Variants in BTBD7 observed in about 807,000 individuals in gnomAD.
BTBD7 encodes the protein BTB/POZ domain-containing protein 7.
In BTBD7, 38 loss-of-function variants were observed where a neutral mutation model predicts 99.9. The observed-to-expected ratio is 0.38, with a 90% CI of 0.29 to 0.50. The LOEUF is 0.50. BTBD7 is among the 20% of genes least tolerant of loss of function. BTBD7 has a pLI of 0.93. For synonymous variants in BTBD7, 520 were observed against 511.4 expected (o/e 1.02, Z -0.23); for missense variants, 1,170 against 1,394.6 (o/e 0.84, Z 2.57).
At chr14:93,296,241 G>A (rs1429749896) in intron 1 of BTBD7, 84 bp from the exon 2 acceptor site, 10 of 999,380 alleles carry the variant, frequency 1.0e-5, no homozygotes, top group Non-Finnish European at 1.3e-5. Flanking sequence ...ACTGAAAACT[G>A]CTTTCATTCA....
chr14:93,286,764 C>T (rs897759907), intron 3 of BTBD7, among the ~76,000 whole-genome samples: 3 of 152,162 alleles, frequency 2.0e-5, no homozygotes, highest in Non-Finnish European at 4.4e-5. Context: ...CCACATTCAT[C>T]GGCTGACAGG....
intron 1 of BTBD7, among the ~76,000 whole-genome samples, chr14:93,325,481 G>A (rs1022850016): frequency 2.0e-5 from 3 of 152,162 alleles, no homozygotes; most frequent in African/African-American, 7.2e-5. Flanking sequence ...CAGAGATGGA[G>A]AGGTACAGTG....
chr14:93,264,713 T>C (rs900153992), intron 3 of BTBD7, among the ~76,000 whole-genome samples: 11 of 152,134 alleles, frequency 7.2e-5, no homozygotes, highest in African/African-American at 2.7e-4. Flanking sequence ...TGAGAATGGC[T>C]AAAGTTGAAC....
intron 5 of BTBD7, among the ~76,000 whole-genome samples, chr14:93,260,715 A>G (rs1222798108): frequency 6.7e-6 from 1 of 150,368 alleles, no homozygotes; most frequent in Non-Finnish European, 1.5e-5. Context: ...CACCATGCCC[A>G]GCTTATTTTT....
chr14:93,297,816 T>C (rs763092992), intron 1 of BTBD7, among the ~76,000 whole-genome samples: 7 of 152,076 alleles, frequency 4.6e-5, no homozygotes, highest in Non-Finnish European at 1.0e-4. Context: ...GCACAAACAA[T>C]CCTTTCTCAA....
At chr14:93,300,404 T>C (rs1391900669) in intron 1 of BTBD7, among the ~76,000 whole-genome samples, 2 of 151,892 alleles carry the variant, frequency 1.3e-5, no homozygotes, top group Non-Finnish European at 1.5e-5. Context: ...ATTACAGGTG[T>C]GTGTCACCAT....
At chr14:93,279,432 C>T (rs1483190241) in intron 3 of BTBD7, among the ~76,000 whole-genome samples, 2 of 152,152 alleles carry the variant, frequency 1.3e-5, no homozygotes, top group Non-Finnish European at 2.9e-5. Flanking sequence ...CCTGCCCTCC[C>T]CTTCCATATT....
intron 1 of BTBD7, among the ~76,000 whole-genome samples, chr14:93,317,068 C>T (rs892008722): frequency 2.6e-5 from 4 of 152,210 alleles, no homozygotes; most frequent in African/African-American, 4.8e-5. Flanking sequence ...TGCAGTGGTA[C>T]GATCTCAGCT....
rs2052189997 is a variant in BTBD7, at chr14:93,238,870, A to G, written c.*3403T>C. On this transcript the variant is annotated 3_prime_UTR_variant, in exon 11 of 11. Coordinates refer to ENST00000334746, the MANE Select transcript of BTBD7 (RefSeq NM_001002860.4). The stretch of plus-strand genomic sequence containing the variant: ...ATGGCAACAACAAACCAAAACAAAA[A>G]TCCAATGAAGGATGGCAGATGCAAT... 6.6e-6 allele frequency: 1 copy of G among 152,234 alleles called. No homozygotes were observed. The highest frequency in any genetic ancestry group is 6.5e-5 in the Admixed American group (1 of 15,290). The allele number at this position is 152,234 out of a possible 1,614,324, so 9.4% of individuals were successfully genotyped here. A position where few individuals can be genotyped will look rare whatever the true frequency, so the allele number is the denominator to read the frequency against.
At chr14:93,256,827 T>A (rs1368640924) in intron 6 of BTBD7, 1 of 180,116 alleles carries the variant, frequency 5.6e-6, no homozygotes, top group Admixed American at 6.2e-5. Context: ...AACCAATCCC[T>A]CCACTCCACT....
intron 5 of BTBD7, among the ~76,000 whole-genome samples, chr14:93,259,527 A>G (rs1215070363): frequency 6.6e-6 from 1 of 152,218 alleles, no homozygotes; most frequent in Non-Finnish European, 1.5e-5. Context: ...TACTCCGTGA[A>G]TGACCATGAA....
chr14:93,243,708 T>C (rs2139671800), intron 10 of BTBD7, among the ~76,000 whole-genome samples: 1 of 152,384 alleles, frequency 6.6e-6, no homozygotes, highest in South Asian at 2.1e-4. Flanking sequence ...ACTGCATCAA[T>C]GAACCATTAC....
At chr14:93,313,270 C>T (rs2053159070) in intron 1 of BTBD7, among the ~76,000 whole-genome samples, 1 of 152,158 alleles carries the variant, frequency 6.6e-6, no homozygotes, top group Non-Finnish European at 1.5e-5. Context: ...CCCTTATCCA[C>T]CCACCACCAA....
Position 93,262,413 on chromosome 14 carries a change from A to T in BTBD7, c.1372-736T>A, listed in dbSNP as rs963868714. ...CTCCCAAAATGGCTAATTTTTTTTT[A>T]AATTTTTTGTACAAATGGGGTCCCA... On this transcript the variant is annotated intron_variant, in intron 4 of 10. Coordinates refer to ENST00000334746, the MANE Select transcript of BTBD7 (RefSeq NM_001002860.4). Among the ~76,000 whole-genome samples, 7 of 151,792 alleles carry T rather than the reference A, an allele frequency of 4.6e-5. No homozygotes were observed. The South Asian group carries it at 8.3e-4, about 18-fold the overall frequency.
At chr14:93,285,817 A>G (rs974104518) in intron 3 of BTBD7, among the ~76,000 whole-genome samples, 3 of 152,244 alleles carry the variant, frequency 2.0e-5, no homozygotes, top group Admixed American at 2.0e-4. Context: ...AAATATAGGT[A>G]CTGCTACCAA....
At chr14:93,287,847 A>C (rs1217758135) in intron 3 of BTBD7, 1 of 152,164 alleles carries the variant, frequency 6.6e-6, no homozygotes, top group Non-Finnish European at 1.5e-5. Context: ...TTGCTTCGTC[A>C]TTTGGTGGAA....
intron 3 of BTBD7, among the ~76,000 whole-genome samples, 195 bp downstream of exon 3, chr14:93,293,663 T>G (rs1342936967): frequency 1.3e-5 from 2 of 152,204 alleles, no homozygotes; most frequent in African/African-American, 2.4e-5. Flanking sequence ...TACTGAATAC[T>G]TGGTTTTACT....
At chr14:93,265,344 G>A (rs141179299) in intron 3 of BTBD7, among the ~76,000 whole-genome samples, 11 of 152,256 alleles carry the variant, frequency 7.2e-5, no homozygotes, top group Non-Finnish European at 1.3e-4. Context: ...ATAGAGAACC[G>A]TATAACTTCA....
intron 6 of BTBD7, 185 bp downstream of exon 6, chr14:93,257,010 T>C (rs2052437604): frequency 3.5e-6 from 2 of 576,774 alleles, no homozygotes; most frequent in South Asian, 3.0e-5. Flanking sequence ...TCACTGAACA[T>C]TTTAACTGTA....
Sources: allele counts gnomAD v4.1 joint callset (sites outside exome capture counted in the v4.1 genomes callset), GRCh38; gene constraint gnomAD v4.1.1; transcripts MANE v1.5; gene names NCBI Gene and HGNC (gene_info 2026-07-23, HGNC 2026-07-21).